Variants in C8orf34 observed in about 807,000 individuals in gnomAD.
The protein encoded by C8orf34 is chromosome 8 open reading frame 34.
In C8orf34, 65 loss-of-function variants were observed where a neutral mutation model predicts 68.3. That is an observed-to-expected ratio of 0.95 (90% CI 0.78 to 1.17). The LOEUF (loss-of-function observed/expected upper bound fraction) is 1.17. C8orf34 is among the 50% of genes most tolerant of loss of function. The probability of loss-of-function intolerance (pLI) is 0.00; values close to 1 mark genes in which losing one functional copy is unlikely to be tolerated. For missense variants in C8orf34, 664 were observed against 655.4 expected, an observed-to-expected ratio of 1.01 and a Z score of -0.14; for synonymous variants, 244 against 241.2, an observed-to-expected ratio of 1.01 and a Z score of -0.11.
intron 7 of C8orf34, among the ~76,000 whole-genome samples, chr8:68,591,161 G>A (rs953831126): frequency 6.6e-6 from 1 of 152,134 alleles, no homozygotes; most frequent in African/African-American, 2.4e-5. Flanking sequence ...TGGCATGAAA[G>A]GGTCTAAGTC....
At chr8:68,337,126 T>C (rs959481889) in intron 1 of C8orf34, among the ~76,000 whole-genome samples, 5 of 152,074 alleles carry the variant, frequency 3.3e-5, no homozygotes, top group Non-Finnish European at 2.9e-5. Context: ...AGTACTAAAA[T>C]TAATGGGTAA....
At chr8:68,382,677 T>C (rs1808092627) in intron 1 of C8orf34, among the ~76,000 whole-genome samples, 1 of 152,182 alleles carries the variant, frequency 6.6e-6, no homozygotes, top group Non-Finnish European at 1.5e-5. Context: ...CTTCAGGCCA[T>C]TTCTTCTCAG....
rs540573351 is a variant in C8orf34, at chr8:68,534,745, G to T, written c.1105+1596G>T. 2.7e-4 allele frequency: 265 copies of T among 985,340 alleles called. 2 individuals carry two copies. In the South Asian group the frequency reaches 4.0e-3, roughly 15 times the overall value. The allele number at this position is 985,340 out of a possible 1,614,324, so 61.0% of individuals were successfully genotyped here. On this transcript the variant is annotated intron_variant, in intron 7 of 13. Transcript: ENST00000518698. ...CTCTGCTTTGGACAGTAACAGGGAA[G>T]GGGCAACTGAGATCCAGGGTTTCTT...
chr8:68,470,651 G>C (rs940861046), intron 4 of C8orf34, among the ~76,000 whole-genome samples: 3 of 152,018 alleles, frequency 2.0e-5, no homozygotes, highest in African/African-American at 7.2e-5. Context: ...TTATAATTCT[G>C]GAGGGTGGAT....
chr8:68,388,006 C>T (rs1808329643), intron 1 of C8orf34, among the ~76,000 whole-genome samples: 1 of 152,134 alleles, frequency 6.6e-6, no homozygotes, highest in Admixed American at 6.5e-5. Context: ...GTGTGCATTT[C>T]ATGGTAGTTG....
At chr8:68,811,616 T>C (rs1323961841) in intron 12 of C8orf34, among the ~76,000 whole-genome samples, 2 of 152,220 alleles carry the variant, frequency 1.3e-5, no homozygotes, top group Non-Finnish European at 2.9e-5. Context: ...AAATCTCTTT[T>C]GGAGAGATAT....
At chr8:68,573,077 C>A (rs961338931) in intron 7 of C8orf34, among the ~76,000 whole-genome samples, 7 of 152,110 alleles carry the variant, frequency 4.6e-5, no homozygotes, top group Non-Finnish European at 8.8e-5. Flanking sequence ...CTCTGTCTAT[C>A]CCTGGCCTCT....
At chr8:68,705,689 G>T (rs948330450) in intron 8 of C8orf34, among the ~76,000 whole-genome samples, 2 of 151,986 alleles carry the variant, frequency 1.3e-5, no homozygotes, top group Non-Finnish European at 2.9e-5. Flanking sequence ...AAAGGAAACA[G>T]CTAGTTATTT....
intron 2 of C8orf34, among the ~76,000 whole-genome samples, chr8:68,444,969 A>G (rs1352040736): frequency 1.3e-5 from 2 of 152,212 alleles, no homozygotes; most frequent in Non-Finnish European, 2.9e-5. Context: ...AAGACTGTAA[A>G]ACAACATAAG....
chr8:68,522,572 T>C (rs1449969322), intron 6 of C8orf34, among the ~76,000 whole-genome samples: 1 of 152,176 alleles, frequency 6.6e-6, no homozygotes, highest in African/African-American at 2.4e-5. Context: ...ATGCTCAAAA[T>C]GGTGGCAGGA....
chr8:68,587,995 C>A (rs1817258581), intron 7 of C8orf34, among the ~76,000 whole-genome samples: 1 of 151,992 alleles, frequency 6.6e-6, no homozygotes, highest in African/African-American at 2.4e-5. Context: ...ATTTTAGATG[C>A]CATATTTTTA....
At chr8:68,677,361 T>C (rs989392464) in intron 8 of C8orf34, among the ~76,000 whole-genome samples, 1 of 151,906 alleles carries the variant, frequency 6.6e-6, no homozygotes, top group African/African-American at 2.4e-5. Flanking sequence ...TGATGCATCT[T>C]TTTTTTTCTT....
intron 8 of C8orf34, among the ~76,000 whole-genome samples, chr8:68,653,525 G>A (rs1356232219): frequency 2.0e-5 from 3 of 152,158 alleles, no homozygotes; most frequent in Admixed American, 1.3e-4. Context: ...GCTTATAAAC[G>A]AGGGAAATTT....
chr8:68,462,492 T>G (rs1402969205), intron 3 of C8orf34, among the ~76,000 whole-genome samples: 2 of 151,652 alleles, frequency 1.3e-5, no homozygotes, highest in Non-Finnish European at 2.9e-5. Context: ...ATATACATTT[T>G]TTTCAGCACC....
intron 7 of C8orf34, among the ~76,000 whole-genome samples, chr8:68,639,553 T>C (rs1585655982): frequency 6.6e-6 from 1 of 152,150 alleles, no homozygotes; most frequent in African/African-American, 2.4e-5. Context: ...ATGCCTTCAA[T>C]AATGAATTAG....
chr8:68,647,950 C>T (rs915604692), intron 8 of C8orf34, among the ~76,000 whole-genome samples: 1 of 152,090 alleles, frequency 6.6e-6, no homozygotes, highest in East Asian at 1.9e-4. Context: ...AGATAACTCA[C>T]CATCAAAATT....
At chr8:68,359,274 G>A (rs1336773232) in intron 1 of C8orf34, among the ~76,000 whole-genome samples, 2 of 152,092 alleles carry the variant, frequency 1.3e-5, no homozygotes, top group Admixed American at 1.3e-4. Context: ...TGTATAATGA[G>A]CTATTTATGC....
chr8:68,419,935 A>G (rs1275528622), intron 1 of C8orf34, among the ~76,000 whole-genome samples: 1 of 150,888 alleles, frequency 6.6e-6, no homozygotes, highest in African/African-American at 2.4e-5. Context: ...ATATGTAACT[A>G]ACCTGCACAT....
chr8:68,679,999 A>G (rs951099903), intron 8 of C8orf34, among the ~76,000 whole-genome samples: 2 of 152,224 alleles, frequency 1.3e-5, no homozygotes, highest in African/African-American at 4.8e-5. Flanking sequence ...GAAGTTCTCC[A>G]GGACACTGGA....
Sources: allele counts gnomAD v4.1 joint callset (sites outside exome capture counted in the v4.1 genomes callset), GRCh38; gene constraint gnomAD v4.1.1; transcripts MANE v1.5; gene names NCBI Gene and HGNC (gene_info 2026-07-23, HGNC 2026-07-21).